Variants in DCC observed in about 807,000 individuals in gnomAD.
DCC encodes DCC netrin 1 receptor, also known as netrin receptor DCC.
A neutral mutation model predicts 172.5 loss-of-function variants in DCC; 58 were observed. The ratio of observed to expected loss-of-function variants is 0.34; its 90% CI spans 0.27 to 0.42. DCC has a LOEUF of 0.42. Among genes scored for constraint, DCC ranks in the 10% least tolerant of loss-of-function variants. DCC has a pLI of 1.00. For missense variants in DCC, 1,740 were observed against 1,791.0 expected, an observed-to-expected ratio of 0.97 and a Z score of 0.51; for synonymous variants, 709 against 644.5, an observed-to-expected ratio of 1.10 and a Z score of -1.52.
At chr18:52,343,812 C>G (rs565636203) in intron 1 of DCC, among the ~76,000 whole-genome samples, 1 of 152,234 alleles carries the variant, frequency 6.6e-6, no homozygotes, top group African/African-American at 2.4e-5. Context: ...GCGACCTCTT[C>G]TCATTCCCCC....
intron 11 of DCC, among the ~76,000 whole-genome samples, chr18:53,214,621 G>T (rs1310483855): frequency 1.3e-5 from 2 of 152,070 alleles, no homozygotes; most frequent in Non-Finnish European, 2.9e-5. Flanking sequence ...TATTTGTGAG[G>T]AACAAGGATA....
intron 1 of DCC, among the ~76,000 whole-genome samples, chr18:52,434,273 A>T (rs1294131396): frequency 1.3e-5 from 2 of 152,142 alleles, no homozygotes; most frequent in African/African-American, 2.4e-5. Flanking sequence ...ATGTCTAGAG[A>T]TATTTTTGGT....
At chr18:52,524,116 G>T (rs2031905148) in intron 1 of DCC, among the ~76,000 whole-genome samples, 1 of 152,142 alleles carries the variant, frequency 6.6e-6, no homozygotes, top group African/African-American at 2.4e-5. Flanking sequence ...AATACTTAAA[G>T]ATAAAAATTA....
At chr18:53,095,832 T>A (rs1209539794) in intron 7 of DCC, among the ~76,000 whole-genome samples, 1 of 150,094 alleles carries the variant, frequency 6.7e-6, no homozygotes, top group African/African-American at 2.5e-5. Flanking sequence ...GTTTTTTTCA[T>A]CCTACCACAA....
At chr18:52,438,307 C>T (rs533048369) in intron 1 of DCC, among the ~76,000 whole-genome samples, 7 of 152,274 alleles carry the variant, frequency 4.6e-5, no homozygotes, top group South Asian at 2.1e-4. Flanking sequence ...TCACTCTGGT[C>T]GGTCTCCTGG....
At chr18:53,259,196 T>G (rs552181278) in intron 12 of DCC, among the ~76,000 whole-genome samples, 16 of 152,330 alleles carry the variant, frequency 1.1e-4, no homozygotes, top group African/African-American at 3.6e-4. Flanking sequence ...AATTGGAGCA[T>G]TTAGCCCATT....
rs35433548 is a variant in DCC, at chr18:53,367,631, A to G, written c.2360-18412A>G. ...AACCGTACATCTCTAGAACTCTTTTAATCTTGTAAAGCTGAAATTCTATAC... is the reference window on the plus strand; with the variant it reads ...AACCGTACATCTCTAGAACTCTTTTGATCTTGTAAAGCTGAAATTCTATAC... On this transcript the variant is annotated intron_variant, in intron 15 of 28. Coordinates refer to ENST00000442544, the MANE Select transcript of DCC (RefSeq NM_005215.4). Among the ~76,000 whole-genome samples the G allele has an allele frequency of 1.3e-3, 195 of 152,226 alleles. 1 individual carries two copies. The highest frequency in any genetic ancestry group is 0.011 in the South Asian group (55 of 4,820).
chr18:52,673,304 G>C (rs995088901), intron 1 of DCC, among the ~76,000 whole-genome samples: 3 of 152,024 alleles, frequency 2.0e-5, no homozygotes, highest in Non-Finnish European at 2.9e-5. Flanking sequence ...ATTTCATTTA[G>C]TTGTCATGTT....
chr18:52,652,069 C>A (rs955914844), intron 1 of DCC, among the ~76,000 whole-genome samples: 4 of 152,184 alleles, frequency 2.6e-5, no homozygotes, highest in Non-Finnish European at 4.4e-5. Context: ...AGGCTACTTA[C>A]AATTTGAAAC....
intron 12 of DCC, among the ~76,000 whole-genome samples, chr18:53,245,142 T>G (rs1215273432): frequency 6.6e-6 from 1 of 152,104 alleles, no homozygotes; most frequent in African/African-American, 2.4e-5. Flanking sequence ...ATTCACCTAA[T>G]TCACCCCCTA....
intron 27 of DCC, among the ~76,000 whole-genome samples, chr18:53,513,514 A>C (rs375704824): frequency 5.9e-5 from 9 of 151,840 alleles, no homozygotes; most frequent in South Asian, 2.1e-4. Flanking sequence ...AAGACACAGA[A>C]TGGCAAATTG....
At chr18:52,602,689 CT>C (rs145472315) in intron 1 of DCC, among the ~76,000 whole-genome samples, 37,576 of 151,172 alleles carry the variant, frequency 0.25, 5,188 homozygotes, top group Middle Eastern at 0.34. Flanking sequence ...AAAGAGACGA[CT>C]TTTTTTTTAC....
chr18:52,899,410 A>G (rs143017662), intron 2 of DCC, among the ~76,000 whole-genome samples: 403 of 131,478 alleles, frequency 3.1e-3, no homozygotes, highest in African/African-American at 0.011. Context: ...CTGGAGTGCA[A>G]TGGCACCATG....
intron 1 of DCC, among the ~76,000 whole-genome samples, chr18:52,706,233 A>C (rs571433410): frequency 2.3e-4 from 35 of 152,376 alleles, no homozygotes; most frequent in African/African-American, 8.4e-4. Context: ...TCTAGAAACA[A>C]AGATTAGGCT....
intron 1 of DCC, among the ~76,000 whole-genome samples, chr18:52,455,847 T>A (rs1988441108): frequency 6.6e-6 from 1 of 152,300 alleles, no homozygotes; most frequent in South Asian, 2.1e-4. Flanking sequence ...AGCAAAGGAT[T>A]AAACGTCCCT....
intron 14 of DCC, among the ~76,000 whole-genome samples, chr18:53,333,698 T>A (rs143940816): frequency 8.1e-4 from 123 of 152,318 alleles, no homozygotes; most frequent in African/African-American, 2.8e-3. Flanking sequence ...TGGCCTACAA[T>A]GTGGTTTGAG....
chr18:52,944,873 A>G (rs893014829), intron 5 of DCC, among the ~76,000 whole-genome samples: 35 of 152,290 alleles, frequency 2.3e-4, no homozygotes, highest in African/African-American at 8.4e-4. Flanking sequence ...TATTTATGAT[A>G]AGAAAAGAGT....
At chr18:53,392,228 T>C (rs960019685) in intron 17 of DCC, among the ~76,000 whole-genome samples, 15 of 151,908 alleles carry the variant, frequency 9.9e-5, no homozygotes, top group African/African-American at 3.4e-4. Flanking sequence ...TTGGTATCTT[T>C]TTTTTTTTTC....
intron 5 of DCC, among the ~76,000 whole-genome samples, chr18:52,985,530 G>C (rs938585457): frequency 6.6e-6 from 1 of 151,928 alleles, no homozygotes; most frequent in East Asian, 1.9e-4. Context: ...TGATATTATC[G>C]GTAGGTATGG....
Sources: gnomAD v4.1 joint callset for allele counts (sites outside exome capture counted in the v4.1 genomes callset) on GRCh38, gnomAD v4.1.1 for gene constraint, MANE v1.5 for transcripts, NCBI Gene and HGNC (gene_info 2026-07-23, HGNC 2026-07-21) for gene names.